The following LUZP2 variants were observed in gnomAD, a reference collection of about 807,000 sequenced individuals.
LUZP2 encodes the protein leucine zipper protein 2.
Under a neutral mutation model 51.6 loss-of-function variants are expected in LUZP2, and 52 were observed. The observed-to-expected ratio is 1.01, with a 90% CI of 0.81 to 1.27. The LOEUF is 1.27. Ranked by LOEUF, LUZP2 falls within the 50% of genes most tolerant of loss-of-function variation. The pLI, the probability that LUZP2 is intolerant of heterozygous loss-of-function variation, is 0.00. For synonymous variants in LUZP2, 154 were observed against 137.3 expected, an observed-to-expected ratio of 1.12 and a Z score of -0.85; for missense variants, 436 against 395.4, an observed-to-expected ratio of 1.10 and a Z score of -0.87.
intron 7 of LUZP2, among the ~76,000 whole-genome samples, chr11:24,973,900 G>T (rs1855816928): frequency 6.6e-6 from 1 of 152,092 alleles, no homozygotes; most frequent in Admixed American, 6.6e-5. Context: ...TGAGAACAAT[G>T]TATATTCTGT....
In LUZP2 at chr11:25,024,817, A is replaced by C. The variant is rs533337063; in HGVS notation, c.766-25221A>C. On this transcript the variant is annotated intron_variant, in intron 9 of 11. Transcript: ENST00000336930. The stretch of plus-strand genomic sequence containing the variant: ...CTACTTTAAAGTTCATATGGAACCA[A>C]AAAAGAGCCCGCATCACCAAGTCAA... Among the ~76,000 whole-genome samples, 11 of 148,238 alleles carry C rather than the reference A, an allele frequency of 7.4e-5. No individual in the cohort carries two copies. The South Asian group carries it at 2.4e-3, about 32-fold the overall frequency.
chr11:24,630,009 ATT>A (rs34855328), intron 1 of LUZP2, among the ~76,000 whole-genome samples: 32 of 145,862 alleles, frequency 2.2e-4, no homozygotes, highest in Non-Finnish European at 3.8e-4. Context: ...AAAAATGTCT[ATT>A]TTTTTTTTGC....
At chr11:25,044,125 C>T (rs28706112) in intron 9 of LUZP2, among the ~76,000 whole-genome samples, 41,511 of 57,782 alleles carry the variant, frequency 0.72, 18,212 homozygotes, top group African/African-American at 0.82. Flanking sequence ...ATATCAGATA[C>T]ATATGTAGTC....
intron 3 of LUZP2, among the ~76,000 whole-genome samples, chr11:24,737,616 G>A (rs1254515196): frequency 6.6e-6 from 1 of 152,094 alleles, no homozygotes; most frequent in Admixed American, 6.6e-5. Context: ...AAGGGAGACA[G>A]GATCCTTATG....
chr11:24,959,387 G>A (rs948782975), intron 7 of LUZP2, among the ~76,000 whole-genome samples: 17 of 152,258 alleles, frequency 1.1e-4, no homozygotes, highest in African/African-American at 4.1e-4. Flanking sequence ...CTACCCATGA[G>A]CATGGAATGT....
chr11:24,889,180 G>A (rs1852768599), intron 5 of LUZP2, among the ~76,000 whole-genome samples: 1 of 152,202 alleles, frequency 6.6e-6, no homozygotes, highest in South Asian at 2.1e-4. Flanking sequence ...TATAAATTTG[G>A]TTACTTGAAT....
chr11:24,876,698 AT>A, intron 5 of LUZP2, among the ~76,000 whole-genome samples: 1 of 152,178 alleles, frequency 6.6e-6, no homozygotes, highest in Non-Finnish European at 1.5e-5. Flanking sequence ...CAGTATGGCC[AT>A]TTTCATGATA....
intron 1 of LUZP2, among the ~76,000 whole-genome samples, chr11:24,715,636 A>C (rs1012686011): frequency 6.6e-6 from 1 of 152,034 alleles, no homozygotes; most frequent in Admixed American, 6.6e-5. Context: ...GCCCCACACA[A>C]AGATATTTTC....
intron 9 of LUZP2, among the ~76,000 whole-genome samples, chr11:25,022,861 G>A (rs928061472): frequency 1.3e-5 from 2 of 152,070 alleles, no homozygotes; most frequent in Admixed American, 6.6e-5. Context: ...GGCATGAAAG[G>A]CTGTTGAATT....
At chr11:24,834,257 C>G (rs1162023886) in intron 5 of LUZP2, among the ~76,000 whole-genome samples, 3 of 152,096 alleles carry the variant, frequency 2.0e-5, no homozygotes, top group East Asian at 1.9e-4. Flanking sequence ...CCCCTCACCC[C>G]CCAACAGGCC....
chr11:25,047,209 T>C (rs914445162), intron 9 of LUZP2, among the ~76,000 whole-genome samples: 5 of 152,150 alleles, frequency 3.3e-5, no homozygotes, highest in Non-Finnish European at 7.4e-5. Context: ...TTGTTCTTTT[T>C]AACCTGTTTC....
intron 5 of LUZP2, among the ~76,000 whole-genome samples, chr11:24,839,916 A>T (rs1445955423): frequency 6.6e-6 from 1 of 151,784 alleles, no homozygotes; most frequent in Admixed American, 6.6e-5. Flanking sequence ...CCTGCACATA[A>T]GTAATACCCT....
At position 25,082,318 on chromosome 11, in the gene LUZP2, A is replaced by G. The variant is rs1409168709; in HGVS notation, c.*3660A>G. The stretch of plus-strand genomic sequence containing the variant: ...TGAACAATGTGGATAACTGAACTAA[A>G]ACGATATTTGTGAACTTTGCTATAA... On this transcript the variant is annotated 3_prime_UTR_variant, in exon 12 of 12. Coordinates refer to ENST00000336930, the MANE Select transcript of LUZP2 (RefSeq NM_001009909.4). 1 of 152,628 alleles carries G rather than the reference A, an allele frequency of 6.6e-6. No homozygotes were observed. The highest frequency in any genetic ancestry group is 1.5e-5 in the Non-Finnish European group (1 of 68,014). 9.5% of individuals were successfully genotyped at this position (152,628 alleles called of 1,614,324 possible). A position where few individuals can be genotyped will look rare whatever the true frequency, so the allele number is the denominator to read the frequency against.
intron 1 of LUZP2, among the ~76,000 whole-genome samples, chr11:24,666,303 G>A (rs1856210220): frequency 6.6e-6 from 1 of 152,114 alleles, no homozygotes; most frequent in Admixed American, 6.6e-5. Context: ...ACTAGTGAAA[G>A]AGCACAGAAG....
intron 1 of LUZP2, among the ~76,000 whole-genome samples, chr11:24,624,481 G>A (rs144578328): frequency 2.3e-3 from 348 of 152,170 alleles, no homozygotes; most frequent in Non-Finnish European, 3.9e-3. Flanking sequence ...GAAAGTCAAA[G>A]TATAAAACAT....
At chr11:24,867,451 T>G (rs1175244248) in intron 5 of LUZP2, among the ~76,000 whole-genome samples, 1 of 152,182 alleles carries the variant, frequency 6.6e-6, no homozygotes, top group African/African-American at 2.4e-5. Context: ...ATTTTGTTAT[T>G]GATCACGCTC....
chr11:24,735,828 G>C (rs890177711), intron 3 of LUZP2, among the ~76,000 whole-genome samples: 2 of 151,946 alleles, frequency 1.3e-5, no homozygotes, highest in Admixed American at 6.6e-5. Flanking sequence ...CCCTAGAATA[G>C]CAGATATAGA....
intron 9 of LUZP2, among the ~76,000 whole-genome samples, chr11:24,986,285 C>A (rs1256270435): frequency 6.6e-6 from 1 of 151,532 alleles, no homozygotes; most frequent in Non-Finnish European, 1.5e-5. Flanking sequence ...TAAATAAATT[C>A]TACCAATGGC....
intron 1 of LUZP2, among the ~76,000 whole-genome samples, chr11:24,661,542 C>G (rs1248626687): frequency 2.0e-5 from 3 of 152,144 alleles, no homozygotes; most frequent in Non-Finnish European, 4.4e-5. Context: ...CCTTTCTGCT[C>G]CATTCTTGTC....
Sources: allele counts gnomAD v4.1 joint callset (sites outside exome capture counted in the v4.1 genomes callset), GRCh38; gene constraint gnomAD v4.1.1; transcripts MANE v1.5; gene names NCBI Gene and HGNC (gene_info 2026-07-23, HGNC 2026-07-21).